Variants in COP1 observed in about 807,000 individuals in gnomAD.
COP1 encodes the protein COP1 E3 ubiquitin ligase, also known as E3 ubiquitin-protein ligase COP1.
In COP1, 24 loss-of-function variants were observed where a neutral mutation model predicts 101.3. The ratio of observed to expected loss-of-function variants is 0.24; its 90% CI spans 0.17 to 0.33. COP1 has a LOEUF of 0.33. COP1 is among the 10% of genes least tolerant of loss of function. The pLI is 1.00. For synonymous variants in COP1, 347 were observed against 341.9 expected, an observed-to-expected ratio of 1.01 and a Z score of -0.17; for missense variants, 663 against 906.2, an observed-to-expected ratio of 0.73 and a Z score of 3.45.
Position 175,959,458 on chromosome 1 carries a change from C to A in COP1, c.2134-12219G>T, listed in dbSNP as rs144418289. On this transcript the variant is annotated intron_variant, in intron 18 of 19. Coordinates refer to ENST00000367669, the MANE Select transcript of COP1 (RefSeq NM_022457.7). ...ATTAGATGTTCTGGCCATCAAAATA[C>A]GGCAAATGAATAAAGATATAAAGGT... Among the ~76,000 whole-genome samples, 398 of 151,806 alleles carry A rather than the reference C, an allele frequency of 2.6e-3. 3 individuals carry two copies. Among genetic ancestry groups the A allele is most frequent in the African/African-American group, 9.2e-3 (380 of 41,410 alleles).
chr1:176,187,875 A>G (rs75220395), intron 1 of COP1, among the ~76,000 whole-genome samples: 5,109 of 152,270 alleles, frequency 0.034, 118 homozygotes, highest in Non-Finnish European at 0.047. Context: ...CCCAAATTTC[A>G]TATGTTGAAA....
At chr1:176,078,513 G>C (rs543468604) in intron 11 of COP1, among the ~76,000 whole-genome samples, 16 of 151,904 alleles carry the variant, frequency 1.1e-4, no homozygotes, top group African/African-American at 3.9e-4. Context: ...CAAAACTTAA[G>C]TCTAAGACCT....
chr1:175,955,338 T>C (rs965699325), intron 18 of COP1, among the ~76,000 whole-genome samples: 2 of 152,150 alleles, frequency 1.3e-5, no homozygotes, highest in African/African-American at 4.8e-5. Context: ...AGAAAGGAAC[T>C]TCTTCAAGGT....
intron 14 of COP1, among the ~76,000 whole-genome samples, chr1:176,035,710 C>CAAAAAAAAAAAAAAAAAAAAAACAAAAA (rs1669400070): frequency 2.7e-5 from 2 of 73,110 alleles, no homozygotes; most frequent in Non-Finnish European, 5.0e-5. Context: ...AAAACGAGAC[C>CAAAAAAAAAAAAAAAAAAAAAACAAAAA]AAAAAAAAAA....
intron 9 of COP1, among the ~76,000 whole-genome samples, chr1:176,103,862 T>C (rs116767830): frequency 3.7e-3 from 559 of 152,200 alleles, no homozygotes; most frequent in Middle Eastern, 0.01. Context: ...CCTGAGATAA[T>C]TGGTAAGATA....
At chr1:176,055,364 A>G (rs1208169350) in intron 11 of COP1, among the ~76,000 whole-genome samples, 2 of 152,108 alleles carry the variant, frequency 1.3e-5, no homozygotes, top group Admixed American at 1.3e-4. Flanking sequence ...AAACCCGGGA[A>G]GAGGAGGTTG....
intron 9 of COP1, among the ~76,000 whole-genome samples, chr1:176,113,470 C>T (rs1222367650): frequency 6.6e-6 from 1 of 152,128 alleles, no homozygotes; most frequent in African/African-American, 2.4e-5. Flanking sequence ...AATCTGCCAA[C>T]ATTTTCTCAC....
At chr1:176,193,515 C>T (rs1572785574) in intron 1 of COP1, among the ~76,000 whole-genome samples, 1 of 151,698 alleles carries the variant, frequency 6.6e-6, no homozygotes, top group South Asian at 2.1e-4. Flanking sequence ...GGAAACAGCC[C>T]AAATTGTCCA....
chr1:176,157,873 A>G (rs960060986), intron 5 of COP1, among the ~76,000 whole-genome samples: 4 of 152,212 alleles, frequency 2.6e-5, no homozygotes, highest in African/African-American at 9.6e-5. Flanking sequence ...AATGCACTAG[A>G]AAGATGAATA....
chr1:175,983,839 G>A (rs867973589), intron 18 of COP1, among the ~76,000 whole-genome samples: 6 of 152,180 alleles, frequency 3.9e-5, no homozygotes, highest in African/African-American at 1.2e-4. Flanking sequence ...AGAGACTGGC[G>A]GCATTTTGCC....
intron 9 of COP1, among the ~76,000 whole-genome samples, chr1:176,103,605 A>G (rs1294116274): frequency 1.3e-5 from 2 of 152,248 alleles, no homozygotes; most frequent in East Asian, 1.9e-4. Flanking sequence ...TTTGAGCACC[A>G]TATCACAGCT....
At chr1:176,145,177 T>C (rs1691377293) in intron 6 of COP1, among the ~76,000 whole-genome samples, 1 of 152,150 alleles carries the variant, frequency 6.6e-6, no homozygotes, top group African/African-American at 2.4e-5. Flanking sequence ...ACAAAAAATG[T>C]AAAAAGTTTT....
chr1:176,107,768 G>A (rs930299886), intron 9 of COP1, among the ~76,000 whole-genome samples: 2 of 152,132 alleles, frequency 1.3e-5, no homozygotes, highest in African/African-American at 4.8e-5. Flanking sequence ...CCAGCACTGA[G>A]ACAAATAGAT....
intron 15 of COP1, among the ~76,000 whole-genome samples, chr1:175,992,801 C>T (rs1021318936): frequency 1.3e-5 from 2 of 152,240 alleles, no homozygotes; most frequent in African/African-American, 4.8e-5. Flanking sequence ...CCTCTGTAGG[C>T]TCCACCTCTG....
chr1:176,047,379 G>A (rs777581168), intron 11 of COP1, among the ~76,000 whole-genome samples: 34 of 152,180 alleles, frequency 2.2e-4, no homozygotes, highest in Non-Finnish European at 3.8e-4. Context: ...GAAGATTAGA[G>A]GTGAGGTAAA....
At chr1:175,968,674 C>A in intron 18 of COP1, 1 of 350,930 alleles carries the variant, frequency 2.8e-6, no homozygotes, top group Non-Finnish European at 5.8e-6. Flanking sequence ...AGAAGGCACA[C>A]TTAGCATACA....
chr1:176,052,981 A>C (rs550929797), intron 11 of COP1, among the ~76,000 whole-genome samples: 1 of 152,148 alleles, frequency 6.6e-6, no homozygotes, highest in South Asian at 2.1e-4. Flanking sequence ...TTTCACTTCT[A>C]GTCTTTCACT....
At chr1:176,086,748 G>A (rs1030996527) in intron 9 of COP1, among the ~76,000 whole-genome samples, 6 of 152,062 alleles carry the variant, frequency 3.9e-5, no homozygotes, top group African/African-American at 7.2e-5. Flanking sequence ...TCACAGAACT[G>A]GCAAAACTAC....
chr1:176,101,988 G>C (rs1483142022), intron 9 of COP1, among the ~76,000 whole-genome samples: 1 of 152,110 alleles, frequency 6.6e-6, no homozygotes, highest in Non-Finnish European at 1.5e-5. Flanking sequence ...AGTGTCCCCA[G>C]GCAAAACCCC....
Sources: gnomAD v4.1 joint callset for allele counts (sites outside exome capture counted in the v4.1 genomes callset) on GRCh38, gnomAD v4.1.1 for gene constraint, MANE v1.5 for transcripts, NCBI Gene and HGNC (gene_info 2026-07-23, HGNC 2026-07-21) for gene names.